RNF111: variants seen among roughly 807,000 people sequenced by gnomAD.
RNF111 encodes E3 ubiquitin-protein ligase Arkadia.
RNF111 carries 17 observed loss-of-function variants against 95.1 expected under a neutral mutation model. The observed-to-expected ratio is 0.18, with a 90% CI of 0.12 to 0.27. The LOEUF (loss-of-function observed/expected upper bound fraction) is 0.27. Among genes scored for constraint, RNF111 ranks in the 10% least tolerant of loss-of-function variants. RNF111 has a pLI of 1.00. For missense variants in RNF111, 1,189 were observed against 1,210.4 expected (o/e 0.98, Z 0.26); for synonymous variants, 440 against 414.8 (o/e 1.06, Z -0.74).
At chr15:59,012,360 T>A (rs112434328) in intron 1 of RNF111, among the ~76,000 whole-genome samples, 3 of 152,304 alleles carry the variant, frequency 2.0e-5, no homozygotes, top group African/African-American at 7.2e-5. Context: ...TTACAGTATT[T>A]GATAATTAAG....
At chr15:59,037,841 A>C (rs749392400) in intron 2 of RNF111, among the ~76,000 whole-genome samples, 18 of 152,198 alleles carry the variant, frequency 1.2e-4, no homozygotes, top group Admixed American at 4.6e-4. Flanking sequence ...CCTCTCAAAA[A>C]AAAAAGTAGG....
intron 6 of RNF111, 121 bp downstream of exon 6, chr15:59,067,204 C>G (rs753351737): frequency 4.3e-5 from 37 of 857,812 alleles, no homozygotes; most frequent in Non-Finnish European, 6.5e-5. Flanking sequence ...CTCCATTTCT[C>G]TCCCTGCTTT....
chr15:59,000,187 A>G (rs1269454229), intron 1 of RNF111, among the ~76,000 whole-genome samples: 2 of 135,200 alleles, frequency 1.5e-5, no homozygotes, highest in Non-Finnish European at 3.1e-5. Context: ...TTTTTGAGAC[A>G]GGGTCTCTCT....
At chr15:59,023,662 T>G (rs2040457598) in intron 1 of RNF111, among the ~76,000 whole-genome samples, 1 of 152,226 alleles carries the variant, frequency 6.6e-6, no homozygotes, top group Admixed American at 6.5e-5. Flanking sequence ...TAAATATATA[T>G]GCCCATTCCC....
Position 59,031,197 on chromosome 15 carries a change from A to G in RNF111, c.375A>G (p.Pro125=). 6.2e-7 allele frequency: 1 copy of G among 1,614,212 alleles called. No individual in the cohort carries two copies. The highest frequency in any genetic ancestry group is 8.5e-7 in the Non-Finnish European group (1 of 1,180,012). ...GACTGAGGCAACACCTAGGGACACC[A>G]AGTGATGAAGATAATGATTCCTCTT... is the stretch of plus-strand genomic sequence containing the variant. The part of the protein sequence containing the change: ...ILGLRQHLGT[P]SDEDNDSSFS... Residue 125 remains proline (P), a synonymous_variant, in exon 2 of 14, where the codon CCA becomes CCG. Transcript: ENST00000348370.
In RNF111 at chr15:59,026,706, T is replaced by C. The variant is rs963112296; in HGVS notation, c.-19-4098T>C. Among the ~76,000 whole-genome samples, 9 of 145,780 alleles carry C rather than the reference T, an allele frequency of 6.2e-5. No homozygotes were observed. The Admixed American group carries it at 6.5e-4, about 10-fold the overall frequency. ...AGTTCAAAATACAGCCTGATACAAT[T>C]ACAGGGATGGATTTTAGAAAAAAAA... On this transcript the variant is annotated intron_variant, in intron 1 of 13. Coordinates refer to ENST00000348370, the MANE Select transcript of RNF111 (RefSeq NM_017610.8).
intron 1 of RNF111, among the ~76,000 whole-genome samples, chr15:59,022,650 T>C (rs1368794257): frequency 1.3e-5 from 2 of 152,220 alleles, no homozygotes; most frequent in African/African-American, 2.4e-5. Context: ...TGAACGTCTT[T>C]GGGTTTAGGT....
chr15:59,007,545 T>C (rs1345031445), intron 1 of RNF111, among the ~76,000 whole-genome samples: 1 of 152,224 alleles, frequency 6.6e-6, no homozygotes, highest in Non-Finnish European at 1.5e-5. Context: ...AGTCTTTGTA[T>C]TCACGTTTTC....
At chr15:59,025,452 G>T (rs1178113880) in intron 1 of RNF111, among the ~76,000 whole-genome samples, 1 of 152,154 alleles carries the variant, frequency 6.6e-6, no homozygotes, top group Non-Finnish European at 1.5e-5. Context: ...AAAGCATATT[G>T]TCTGTATTAT....
At position 59,081,087 on chromosome 15, in the gene RNF111, A is replaced by G; in HGVS notation, c.2100A>G (p.Ala700=). ...HAFHSQISSH[A]TSHPVAPPPP... is the part of the protein sequence containing the mutation. ...TCCATTCTCAAATATCTTCTCATGCAACATCTCATCCTGTGGCACCCCCAC... is the reference window on the plus strand; with the variant it reads ...TCCATTCTCAAATATCTTCTCATGCGACATCTCATCCTGTGGCACCCCCAC... The change falls in exon 8 of 14, where the codon GCA becomes GCG. Residue 700 remains alanine (A), a synonymous_variant. Coordinates refer to ENST00000348370, the MANE Select transcript of RNF111 (RefSeq NM_017610.8). 1 of 1,614,066 alleles carries G rather than the reference A, an allele frequency of 6.2e-7. No homozygotes were observed. Among genetic ancestry groups the G allele is most frequent in the Non-Finnish European group, 8.5e-7 (1 of 1,180,012 alleles).
intron 1 of RNF111, among the ~76,000 whole-genome samples, chr15:59,015,619 C>A (rs2040027970): frequency 1.3e-5 from 2 of 151,090 alleles, no homozygotes; most frequent in Non-Finnish European, 2.9e-5. Context: ...CTTATTCTCC[C>A]CTACTAAAAA....
In RNF111 at chr15:59,066,853, C is replaced by A. The variant is rs777772451; in HGVS notation, c.1456C>A (p.Pro486Thr). 3.2e-5 allele frequency: 51 copies of A among 1,613,996 alleles called. No homozygotes were observed. The East Asian group carries it at 1.1e-3, about 34-fold the overall frequency. The stretch of plus-strand genomic sequence containing the variant: ...ACCTTCCTGCTGTCCCCAGCACTCA[C>A]CATGTGGAGGGTCGTCACAGAACCA... Reference protein sequence around the residue: ...RLPSCCPQHSPCGGSSQNHHA... With the variant: ...RLPSCCPQHSTCGGSSQNHHA... Residue 486 changes from proline to threonine, a missense_variant, in exon 6 of 14, where the codon CCA becomes ACA. Transcript: ENST00000348370.
At chr15:58,997,105 A>T (rs1052359951) in intron 1 of RNF111, among the ~76,000 whole-genome samples, 15 of 152,208 alleles carry the variant, frequency 9.9e-5, no homozygotes, top group Admixed American at 5.2e-4. Context: ...TTTCAGAGAA[A>T]AGTAATATAT....
intron 5 of RNF111, among the ~76,000 whole-genome samples, chr15:59,064,816 G>T (rs2042588695): frequency 6.6e-6 from 1 of 151,938 alleles, no homozygotes; most frequent in Non-Finnish European, 1.5e-5. Context: ...CACAGACCTT[G>T]AAGAGATGAG....
intron 3 of RNF111, 104 bp from the exon 4 acceptor site, chr15:59,055,578 C>T: frequency 1.3e-5 from 11 of 864,560 alleles, no homozygotes; most frequent in Non-Finnish European, 1.7e-5. Flanking sequence ...TTGGAGAAAT[C>T]TTGTATGAAA....
At chr15:59,074,351 C>T (rs1014867250) in intron 6 of RNF111, among the ~76,000 whole-genome samples, 7 of 152,228 alleles carry the variant, frequency 4.6e-5, no homozygotes, top group Non-Finnish European at 1.0e-4. Flanking sequence ...CAATATTAGG[C>T]TGTTTTGTCG....
At chr15:59,000,708 CAA>C (rs35056899) in intron 1 of RNF111, among the ~76,000 whole-genome samples, 21 of 90,084 alleles carry the variant, frequency 2.3e-4, no homozygotes, top group Admixed American at 3.7e-4. Flanking sequence ...AACTCCGTCT[CAA>C]AAAAAAAAAA....
At position 59,001,971 on chromosome 15, in the gene RNF111, C is replaced by T. The variant is rs150338183; in HGVS notation, c.-20+13903C>T. Among the ~76,000 whole-genome samples, 663 of 152,238 alleles carry T rather than the reference C, an allele frequency of 4.4e-3. 9 individuals carry two copies. Among genetic ancestry groups the T allele is most frequent in the African/African-American group, 0.015 (625 of 41,532 alleles). ...TATTTAATAAAAATTGTGTGAATGTCATCTCTCAAAATATTGTACTCACCT... is the reference window on the plus strand; with the variant it reads ...TATTTAATAAAAATTGTGTGAATGTTATCTCTCAAAATATTGTACTCACCT... On this transcript the variant is annotated intron_variant, in intron 1 of 13. Coordinates refer to ENST00000348370, the MANE Select transcript of RNF111 (RefSeq NM_017610.8).
At chr15:59,015,973 C>A (rs2040046039) in intron 1 of RNF111, among the ~76,000 whole-genome samples, 1 of 151,208 alleles carries the variant, frequency 6.6e-6, no homozygotes, top group East Asian at 2.0e-4. Flanking sequence ...ACCTCAGCCT[C>A]CTGAGTAGCT....
Sources: allele counts gnomAD v4.1 joint callset (sites outside exome capture counted in the v4.1 genomes callset), GRCh38; gene constraint gnomAD v4.1.1; transcripts MANE v1.5; gene names NCBI Gene and HGNC (gene_info 2026-07-23, HGNC 2026-07-21).